AOAH: variants seen among roughly 807,000 people sequenced by gnomAD.
The protein encoded by AOAH is acyloxyacyl hydrolase, also known as acyloxyacyl hydrolase (neutrophil).
AOAH carries 64 observed loss-of-function variants against 92.2 expected under a neutral mutation model. The observed-to-expected ratio is 0.69, with a 90% CI of 0.57 to 0.86. The LOEUF is 0.86. Among genes scored for constraint, AOAH ranks in the 40% least tolerant of loss-of-function variants. The pLI, the probability that AOAH is intolerant of heterozygous loss-of-function variation, is 0.00. For missense variants in AOAH, 656 were observed against 694.6 expected (o/e 0.94, Z 0.62); for synonymous variants, 263 against 254.5 (o/e 1.03, Z -0.32).
rs147306197 is a variant in AOAH at position 36,547,332 on chromosome 7, T to C, written c.1133+1280A>G. Among the ~76,000 whole-genome samples, 1,335 of 152,348 alleles carry C rather than the reference T, an allele frequency of 8.8e-3. 19 individuals are homozygous for C. Among genetic ancestry groups the C allele is most frequent in the African/African-American group, 0.03 (1,262 of 41,576 alleles). ...GCGTATCAGAGTCTCTGGATCATTG[T>C]GGTATCTCCTGCCCTGAACACACTT... On this transcript the variant is annotated intron_variant, in intron 15 of 20. Transcript: ENST00000617537.
intron 4 of AOAH, among the ~76,000 whole-genome samples, chr7:36,649,719 G>A (rs1342895278): frequency 6.6e-6 from 1 of 152,108 alleles, no homozygotes; most frequent in Non-Finnish European, 1.5e-5. Flanking sequence ...CTCTCTTCTG[G>A]TCTGTGTTTG....
chr7:36,713,138 T>A (rs540196234), intron 1 of AOAH, among the ~76,000 whole-genome samples: 2 of 152,102 alleles, frequency 1.3e-5, no homozygotes, highest in Admixed American at 1.3e-4. Context: ...GAGGAAGATC[T>A]ACCAAGCAAA....
At chr7:36,717,584 G>A (rs1170122425) in intron 1 of AOAH, among the ~76,000 whole-genome samples, 1 of 150,210 alleles carries the variant, frequency 6.7e-6, no homozygotes, top group African/African-American at 2.4e-5. Flanking sequence ...GCAGTGGCGA[G>A]GCACCGGGAG....
rs767385896 is a variant in AOAH at position 36,513,131 on chromosome 7, G to C, written c.*121C>G. The C allele has an allele frequency of 7.3e-5, 117 of 1,609,744 alleles. No homozygotes were observed. Among genetic ancestry groups the C allele is most frequent in the Non-Finnish European group, 9.6e-5 (113 of 1,179,856 alleles). Reference sequence around the variant, plus strand: ...CATTGAGAGAAAGACATTTTGCAAAGATGCTGCTGAAGAAGAGTCCTTTGG... The same window carrying C: ...CATTGAGAGAAAGACATTTTGCAAACATGCTGCTGAAGAAGAGTCCTTTGG... On this transcript the variant is annotated 3_prime_UTR_variant, in exon 21 of 21. Transcript: ENST00000617537.
intron 13 of AOAH, among the ~76,000 whole-genome samples, chr7:36,564,239 T>C (rs531069949): frequency 6.6e-6 from 1 of 152,312 alleles, no homozygotes; most frequent in African/African-American, 2.4e-5. Flanking sequence ...ATGTAAAGTC[T>C]TCCCCTACTT....
chr7:36,679,761 A>G (rs1372814853), intron 2 of AOAH, among the ~76,000 whole-genome samples: 1 of 152,050 alleles, frequency 6.6e-6, no homozygotes, highest in African/African-American at 2.4e-5. Flanking sequence ...GTGTTCAAGC[A>G]ATTCTTCTGC....
chr7:36,591,256 C>G (rs1789724217), intron 12 of AOAH, among the ~76,000 whole-genome samples: 1 of 152,170 alleles, frequency 6.6e-6, no homozygotes, highest in Non-Finnish European at 1.5e-5. Context: ...AAAGTTCCTG[C>G]AGGGGAGGTG....
intron 2 of AOAH, among the ~76,000 whole-genome samples, chr7:36,686,488 T>G (rs1201198434): frequency 1.6e-4 from 24 of 152,200 alleles, no homozygotes; most frequent in East Asian, 1.9e-4. Flanking sequence ...AATTTCATTG[T>G]GCCATGATGG....
rs538447345 is a variant in AOAH at position 36,617,133 on chromosome 7, CTCCTTTT to C, written c.752-666_752-660del. Among the ~76,000 whole-genome samples the C allele has an allele frequency of 2.3e-3, 348 of 152,304 alleles. 2 individuals carry two copies. The highest frequency in any genetic ancestry group is 8.1e-3 in the African/African-American group (335 of 41,558). Reference sequence around the variant, plus strand: ...GCCTCCCAGAGGCAGAGAGAGGCACCTCCTTTTTCCACTTCCAAACTCCTCAAGTCAT... The same window carrying C: ...GCCTCCCAGAGGCAGAGAGAGGCACCTCCACTTCCAAACTCCTCAAGTCAT... On this transcript the variant is annotated intron_variant, in intron 10 of 20. Coordinates refer to ENST00000617537, the MANE Select transcript of AOAH (RefSeq NM_001637.4).
At chr7:36,669,214 T>G (rs1191831343) in intron 3 of AOAH, among the ~76,000 whole-genome samples, 1 of 152,172 alleles carries the variant, frequency 6.6e-6, no homozygotes, top group African/African-American at 2.4e-5. Flanking sequence ...ATATACAAAT[T>G]GTAGTCACAG....
At chr7:36,539,182 G>A (rs529627464) in intron 16 of AOAH, among the ~76,000 whole-genome samples, 5 of 152,320 alleles carry the variant, frequency 3.3e-5, no homozygotes, top group Admixed American at 6.5e-5. Flanking sequence ...TAAGGAGGGC[G>A]TGAAAGAATG....
intron 15 of AOAH, among the ~76,000 whole-genome samples, chr7:36,542,903 TA>T (rs565284546): frequency 7.3e-5 from 11 of 151,084 alleles, no homozygotes; most frequent in Admixed American, 2.6e-4. Flanking sequence ...TTCACCTGAA[TA>T]AAAAAAAAGA....
intron 1 of AOAH, among the ~76,000 whole-genome samples, chr7:36,690,901 C>T (rs1012022945): frequency 2.6e-5 from 4 of 152,168 alleles, no homozygotes; most frequent in Non-Finnish European, 5.9e-5. Flanking sequence ...CCAAGGAATC[C>T]TTTTGATGTG....
intron 12 of AOAH, among the ~76,000 whole-genome samples, chr7:36,578,080 A>G (rs1005350979): frequency 2.6e-5 from 4 of 152,226 alleles, no homozygotes; most frequent in Admixed American, 2.6e-4. Context: ...CCTGAGCAAT[A>G]TTTTAAGTGT....
chr7:36,646,962 C>A (rs1433137448), intron 4 of AOAH, among the ~76,000 whole-genome samples: 9 of 152,124 alleles, frequency 5.9e-5, no homozygotes, highest in Admixed American at 5.2e-4. Context: ...TGGATATGAA[C>A]TTGGAGGGTG....
intron 13 of AOAH, among the ~76,000 whole-genome samples, chr7:36,558,043 T>G (rs903931286): frequency 6.6e-6 from 1 of 152,256 alleles, no homozygotes; most frequent in Non-Finnish European, 1.5e-5. Flanking sequence ...TGTGTTCCTT[T>G]GGAGGAGGAG....
intron 10 of AOAH, among the ~76,000 whole-genome samples, chr7:36,617,914 C>T (rs1434046765): frequency 1.3e-5 from 2 of 152,134 alleles, no homozygotes; most frequent in African/African-American, 2.4e-5. Context: ...AGTAGAAGTC[C>T]GGGTGTCTGA....
chr7:36,567,362 A>G (rs1419683600), intron 13 of AOAH, among the ~76,000 whole-genome samples: 2 of 152,174 alleles, frequency 1.3e-5, no homozygotes, highest in Non-Finnish European at 2.9e-5. Flanking sequence ...GACAGGGCTT[A>G]AGGTATACCC....
chr7:36,706,578 C>T (rs773848591), intron 1 of AOAH, among the ~76,000 whole-genome samples: 1 of 152,146 alleles, frequency 6.6e-6, no homozygotes, highest in African/African-American at 2.4e-5. Flanking sequence ...TGGAGTTTTG[C>T]AGCTGGGTAT....
Sources: allele counts gnomAD v4.1 joint callset (sites outside exome capture counted in the v4.1 genomes callset), GRCh38; gene constraint gnomAD v4.1.1; transcripts MANE v1.5; gene names NCBI Gene and HGNC (gene_info 2026-07-23, HGNC 2026-07-21).